Variants in CFH observed in about 807,000 individuals in gnomAD.
CFH encodes complement factor H, also known as H factor 1 (complement).
CFH carries 53 observed loss-of-function variants against 147.3 expected under a neutral mutation model. That is an observed-to-expected ratio of 0.36 (90% CI 0.29 to 0.45). CFH has a LOEUF of 0.45. CFH is among the 20% of genes least tolerant of loss of function. The pLI, the probability that CFH is intolerant of heterozygous loss-of-function variation, is 1.00. For missense variants in CFH, 1,380 were observed against 1,498.0 expected, an observed-to-expected ratio of 0.92 and a Z score of 1.30; for synonymous variants, 536 against 489.4, an observed-to-expected ratio of 1.10 and a Z score of -1.26.
chr1:196,712,246 C>T (rs72734340), intron 9 of CFH, among the ~76,000 whole-genome samples: 3,596 of 151,940 alleles, frequency 0.024, 62 homozygotes, highest in Non-Finnish European at 0.04. Flanking sequence ...CTTGCCTGGT[C>T]TTTTACCTTT....
intron 5 of CFH, 165 bp downstream of exon 5, chr1:196,677,832 C>A: frequency 1.5e-6 from 1 of 649,210 alleles, no homozygotes; most frequent in Non-Finnish European, 2.7e-6. Flanking sequence ...TGCATCATTT[C>A]ATTTTAACTT....
At chr1:196,685,306 G>T (rs1193932746) in intron 7 of CFH, 69 bp downstream of exon 7, 2 of 1,486,060 alleles carry the variant, frequency 1.3e-6, no homozygotes, top group African/African-American at 1.4e-5. Context: ...AAAAAATAGG[G>T]ACTCAATAAA....
Position 196,690,136 on chromosome 1 carries a change from T to G in CFH, c.1233T>G (p.Ser411=). 1 of 1,613,204 alleles carries G rather than the reference T, an allele frequency of 6.2e-7. No individual in the cohort carries two copies. Among genetic ancestry groups the G allele is most frequent in the East Asian group, 2.2e-5 (1 of 44,806 alleles). The change falls in exon 9 of 22, where the codon TCT becomes TCG. Residue 411 remains serine (S), a synonymous_variant. Transcript: ENST00000367429. ...NHGRKFVQGK[S]IDVACHPGYA... is the part of the protein sequence containing the mutation. ...GAAGAAAGTTTGTACAGGGTAAATC[T>G]ATAGACGTTGCCTGCCATCCTGGCT...
At chr1:196,685,358 G>A in intron 7 of CFH, 121 bp downstream of exon 7, 1 of 1,048,414 alleles carries the variant, frequency 9.5e-7, no homozygotes, top group Non-Finnish European at 1.5e-6. Flanking sequence ...TAAGGCTGTT[G>A]GAAGCATTCT....
intron 11 of CFH, among the ~76,000 whole-genome samples, chr1:196,722,091 T>C (rs1162530945): frequency 6.6e-6 from 1 of 152,076 alleles, no homozygotes; most frequent in Admixed American, 6.6e-5. Context: ...ATTATGTTAG[T>C]TGTTACCTAG....
At chr1:196,732,560 T>C (rs1250165020) in intron 15 of CFH, among the ~76,000 whole-genome samples, 1 of 152,060 alleles carries the variant, frequency 6.6e-6, no homozygotes, top group East Asian at 1.9e-4. Flanking sequence ...AGTGTTTCTA[T>C]GCAATAGATA....
At chr1:196,684,008 A>G (rs762031440) in intron 6 of CFH, among the ~76,000 whole-genome samples, 1 of 151,982 alleles carries the variant, frequency 6.6e-6, no homozygotes, top group East Asian at 1.9e-4. Flanking sequence ...AGAAGTGGTC[A>G]TATAGTTTTT....
In CFH at chr1:196,713,648, T is replaced by A. The variant is rs2149102009; in HGVS notation, c.1337-87T>A. ...CAGGTTTTCAGTTACAAATGACTCA[T>A]TATTTTTTATATTTACATATTACTT... On this transcript the variant is annotated intron_variant, in intron 9 of 21. Transcript: ENST00000367429. 4.5e-6 allele frequency: 4 copies of A among 892,324 alleles called. No homozygotes were observed. In the South Asian group the frequency reaches 6.4e-5, roughly 14 times the overall value. The allele number at this position is 892,324 out of a possible 1,614,324, so 55.3% of individuals were successfully genotyped here.
chr1:196,715,918 G>A, intron 11 of CFH, 149 bp downstream of exon 11: 1 of 688,074 alleles, frequency 1.5e-6, no homozygotes, highest in African/African-American at 1.8e-5. Context: ...GGAAAAGAAG[G>A]GAGTTTTGAA....
chr1:196,689,064 C>A (rs566977665), intron 7 of CFH, among the ~76,000 whole-genome samples: 3 of 151,930 alleles, frequency 2.0e-5, no homozygotes, highest in African/African-American at 7.3e-5. Context: ...ATGAGCTAAG[C>A]GGTAAAATTG....
chr1:196,714,660 TATATATATAGAGAGAGAG>T (rs1434964380), intron 10 of CFH, among the ~76,000 whole-genome samples: 138 of 43,434 alleles, frequency 3.2e-3, no homozygotes, highest in East Asian at 0.018. Flanking sequence ...TATATATATA[TATATATATAGAGAGAGAG>T]AGAGAGAGAG....
chr1:196,671,203 C>G (rs1667265271), intron 1 of CFH, among the ~76,000 whole-genome samples: 1 of 151,862 alleles, frequency 6.6e-6, no homozygotes, highest in African/African-American at 2.4e-5. Flanking sequence ...TCTATATTTT[C>G]TATAGTTCCT....
Position 196,722,365 on chromosome 1 carries a change from T to C in CFH, c.1697-2756T>C, listed in dbSNP as rs149859066. Among the ~76,000 whole-genome samples, 1,038 of 152,268 alleles carry C rather than the reference T, an allele frequency of 6.8e-3. 23 individuals are homozygous for C. Among genetic ancestry groups the C allele is most frequent in the East Asian group, 0.05 (261 of 5,184 alleles). ...AAAATATATCTCTAATATATGTTTTTTCAATAAATATGAACTAATCTTTCT... is the reference window on the plus strand; with the variant it reads ...AAAATATATCTCTAATATATGTTTTCTCAATAAATATGAACTAATCTTTCT... On this transcript the variant is annotated intron_variant, in intron 11 of 21. Coordinates refer to ENST00000367429, the MANE Select transcript of CFH (RefSeq NM_000186.4).
At chr1:196,720,731 T>C (rs1668978668) in intron 11 of CFH, among the ~76,000 whole-genome samples, 1 of 152,000 alleles carries the variant, frequency 6.6e-6, no homozygotes, top group Non-Finnish European at 1.5e-5. Context: ...TTTGATTCCA[T>C]ATTATTGCTA....
intron 1 of CFH, among the ~76,000 whole-genome samples, chr1:196,668,752 C>A (rs1667180396): frequency 6.6e-6 from 1 of 152,328 alleles, no homozygotes; most frequent in East Asian, 1.9e-4. Flanking sequence ...GCCTCCCCAA[C>A]CATGTGAAAG....
chr1:196,723,976 C>T (rs1669065457), intron 11 of CFH, among the ~76,000 whole-genome samples: 1 of 152,032 alleles, frequency 6.6e-6, no homozygotes, highest in Non-Finnish European at 1.5e-5. Flanking sequence ...GCGCTGGGAC[C>T]ATTGGGCTCC....
chr1:196,728,276 A>T lies in CFH; in HGVS notation c.2237-70A>T. 2.8e-6 allele frequency: 3 copies of T among 1,077,134 alleles called. No individual in the cohort carries two copies. The South Asian group carries it at 5.4e-5, about 19-fold the overall frequency. 66.7% of individuals were successfully genotyped at this position (1,077,134 alleles called of 1,614,324 possible). A position where few individuals can be genotyped will look rare whatever the true frequency, so the allele number is the denominator to read the frequency against. Reference sequence around the variant, plus strand: ...CCATGCTAATACTATTTACTTTATAACTATTTTTATGTAATAGTTGGTTTG... The same window carrying T: ...CCATGCTAATACTATTTACTTTATATCTATTTTTATGTAATAGTTGGTTTG... On this transcript the variant is annotated intron_variant, in intron 14 of 21. Transcript: ENST00000367429.
In CFH at chr1:196,705,424, G is replaced by A. The variant is rs114444676; in HGVS notation, c.1337-8311G>A. Among the ~76,000 whole-genome samples the A allele has an allele frequency of 4.8e-3, 728 of 152,012 alleles. 4 individuals are homozygous for A. Among genetic ancestry groups the A allele is most frequent in the African/African-American group, 0.016 (670 of 41,440 alleles). On this transcript the variant is annotated intron_variant, in intron 9 of 21. Transcript: ENST00000367429. ...TTGCCATATTTCATTTTCTTATTTT[G>A]GGCTTATAGCAAAATGTCTCTATGA...
At chr1:196,728,769 C>A (rs150910598) in intron 15 of CFH, among the ~76,000 whole-genome samples, 2 of 151,462 alleles carry the variant, frequency 1.3e-5, no homozygotes, top group Non-Finnish European at 1.5e-5. Flanking sequence ...ATAAACCAGG[C>A]ACTACATGTC....
Sources: gnomAD v4.1 joint callset for allele counts (sites outside exome capture counted in the v4.1 genomes callset) on GRCh38, gnomAD v4.1.1 for gene constraint, MANE v1.5 for transcripts, NCBI Gene and HGNC (gene_info 2026-07-23, HGNC 2026-07-21) for gene names.